Variants in TTLL13 observed in about 807,000 individuals in gnomAD.
The protein encoded by TTLL13 is tubulin polyglutamylase TTLL13.
At chr15:90,251,523 C>G in the TTLL13 span, 3 of 1,606,556 alleles carry the variant, frequency 1.9e-6, no homozygotes, top group Non-Finnish European at 1.7e-6. Flanking sequence ...CCCTCCCACT[C>G]TTCCTGATTT....
chr15:90,254,491 TA>T, the TTLL13 span, among the ~76,000 whole-genome samples: 3,341 of 84,188 alleles, frequency 0.04, 156 homozygotes, highest in African/African-American at 0.13. Context: ...AGACTCCATC[TA>T]AAAAAAAAAA....
the TTLL13 span, chr15:90,262,848 C>A: frequency 4.6e-6 from 6 of 1,297,512 alleles, no homozygotes; most frequent in South Asian, 7.8e-5. Context: ...GCAAAAGGAA[C>A]CTTCCTGGGT....
chr15:90,263,074 G>A, the TTLL13 span: 5 of 1,536,100 alleles, frequency 3.3e-6, no homozygotes, highest in Non-Finnish European at 4.4e-6. Context: ...CCGAAGCCTG[G>A]GTATTGTAGA....
At chr15:90,255,435 G>C in the TTLL13 span, among the ~76,000 whole-genome samples, 2 of 152,150 alleles carry the variant, frequency 1.3e-5, no homozygotes, top group Non-Finnish European at 2.9e-5. Flanking sequence ...GTTATTGTTA[G>C]AGGACTAGGC....
At chr15:90,260,867 A>G in the TTLL13 span, among the ~76,000 whole-genome samples, 31 of 151,272 alleles carry the variant, frequency 2.0e-4, no homozygotes, top group African/African-American at 3.6e-4. Flanking sequence ...AAAAAAAAAA[A>G]AGAGAGAAAG....
At chr15:90,256,250 G>A in the TTLL13 span, 2 of 1,614,192 alleles carry the variant, frequency 1.2e-6, no homozygotes, top group South Asian at 2.2e-5. Flanking sequence ...AAATCCCCGG[G>A]AGATCAAGCC....
At chr15:90,252,124 C>T in the TTLL13 span, among the ~76,000 whole-genome samples, 1 of 151,508 alleles carries the variant, frequency 6.6e-6, no homozygotes, top group African/African-American at 2.4e-5. Context: ...ACTGCAACCT[C>T]CACCACCCAG....
the TTLL13 span, chr15:90,256,179 C>A: frequency 1.2e-6 from 2 of 1,614,194 alleles, no homozygotes; most frequent in South Asian, 1.1e-5. Flanking sequence ...CAGCGAAAAG[C>A]CCGCACATAT....
the TTLL13 span, among the ~76,000 whole-genome samples, chr15:90,253,723 C>T: frequency 1.3e-5 from 2 of 152,178 alleles, no homozygotes; most frequent in African/African-American, 4.8e-5. Flanking sequence ...ATCCAGCCTT[C>T]TAAGCAACTT....
At chr15:90,256,594 TTTC>T in the TTLL13 span, among the ~76,000 whole-genome samples, 1 of 33,024 alleles carries the variant, frequency 3.0e-5, no homozygotes, top group Non-Finnish European at 5.9e-5. Context: ...TCTTTCTTTC[TTTC>T]TTTCTTTCTT....
chr15:90,262,208 T>G, the TTLL13 span: 1 of 1,519,436 alleles, frequency 6.6e-7, no homozygotes, highest in Non-Finnish European at 8.8e-7. Flanking sequence ...TGACCGACAT[T>G]CTCCTCTGCA....
chr15:90,255,628 G>A, the TTLL13 span: 4 of 1,365,240 alleles, frequency 2.9e-6, no homozygotes, highest in South Asian at 1.3e-5. Context: ...GGTCCTTGGT[G>A]CAGTGCTTAC....
chr15:90,254,373 A>G, the TTLL13 span, among the ~76,000 whole-genome samples: 2 of 150,204 alleles, frequency 1.3e-5, no homozygotes, highest in Non-Finnish European at 3.0e-5. Context: ...CACACTTGTA[A>G]TCCCAGCTAT....
chr15:90,256,558 TTTCTTTCTTTCTTTC>T, the TTLL13 span, among the ~76,000 whole-genome samples: 2 of 36,872 alleles, frequency 5.4e-5, no homozygotes, highest in Non-Finnish European at 1.0e-4. Context: ...TCTTTCTTTC[TTTCTTTCTTTCTTTC>T]TTTCTTTCTT....
At chr15:90,264,382 C>T in the TTLL13 span, among the ~76,000 whole-genome samples, 6 of 152,100 alleles carry the variant, frequency 3.9e-5, no homozygotes, top group Non-Finnish European at 8.8e-5. Flanking sequence ...GTTTTTGCCA[C>T]GTAGCCCAGG....
the TTLL13 span, chr15:90,262,946 A>G: frequency 1.2e-5 from 19 of 1,531,380 alleles, no homozygotes; most frequent in African/African-American, 1.9e-4. Flanking sequence ...TCCTGCATTT[A>G]TCTCTCATGT....
chr15:90,265,272 G>A, the TTLL13 span: 5 of 1,252,904 alleles, frequency 4.0e-6, no homozygotes, highest in South Asian at 7.4e-5. Context: ...GTGCGGCCCG[G>A]GGCTGGAGGC....
the TTLL13 span, chr15:90,256,084 GC>G: frequency 6.3e-7 from 1 of 1,594,938 alleles, no homozygotes; most frequent in Non-Finnish European, 8.6e-7. Flanking sequence ...GCTCCATGCG[GC>G]CCCGGGAAAG....
At chr15:90,263,624 T>A in the TTLL13 span, 1 of 587,968 alleles carries the variant, frequency 1.7e-6, no homozygotes, top group African/African-American at 1.9e-5. Context: ...CCCAAAGGAG[T>A]ATCTGGTTAA....
Sources: allele counts gnomAD v4.1 joint callset (sites outside exome capture counted in the v4.1 genomes callset), GRCh38; gene constraint gnomAD v4.1.1; transcripts MANE v1.5; gene names NCBI Gene and HGNC (gene_info 2026-07-23, HGNC 2026-07-21).